The following MSN variants were observed in gnomAD, a reference collection of about 807,000 sequenced individuals.
MSN encodes the protein moesin.
Under a neutral mutation model 48.0 loss-of-function variants are expected in MSN, and 2 were observed. The ratio of observed to expected loss-of-function variants is 0.04; its 90% CI spans 0.02 to 0.13. The LOEUF (loss-of-function observed/expected upper bound fraction) is 0.13, where lower values mean the gene tolerates loss of function less well. Ranked by LOEUF, MSN falls within the 10% of genes least tolerant of loss-of-function variation. The pLI is 1.00. For synonymous variants in MSN, 146 were observed against 166.9 expected (o/e 0.87, Z 0.97); for missense variants, 267 against 470.1 (o/e 0.57, Z 3.99).
At chrX:65,701,055 A>T (rs2071297805) in intron 1 of MSN, among the ~76,000 whole-genome samples, 1 of 111,871 alleles carries the variant, frequency 8.9e-6, no homozygotes, top group African/African-American at 3.3e-5. Context: ...CTTTTCCTCA[A>T]GTTCCAAGAG....
intron 1 of MSN, among the ~76,000 whole-genome samples, chrX:65,638,778 T>C (rs1256527436): frequency 8.9e-6 from 1 of 112,233 alleles, no homozygotes; most frequent in Non-Finnish European, 1.9e-5. Context: ...GATCTCAAAC[T>C]CCTGACCTCA....
At chrX:65,709,872 C>T (rs1273985765) in intron 1 of MSN, among the ~76,000 whole-genome samples, 3 of 111,798 alleles carry the variant, frequency 2.7e-5, no homozygotes, top group Non-Finnish European at 5.6e-5. Context: ...TGTTTTCTTC[C>T]AAAAAGCCTG....
intron 2 of MSN, among the ~76,000 whole-genome samples, chrX:65,725,467 C>G (rs2071559675): frequency 9.1e-6 from 1 of 110,194 alleles, no homozygotes; most frequent in African/African-American, 3.3e-5. Flanking sequence ...TGCCTTTTCC[C>G]ACCAATTGCA....
At chrX:65,616,031 T>C in intron 1 of MSN, among the ~76,000 whole-genome samples, 1 of 111,283 alleles carries the variant, frequency 9.0e-6, no homozygotes, top group East Asian at 2.8e-4. Context: ...TGCGGCGTTA[T>C]TTCTGAGGGC....
At chrX:65,633,222 A>G (rs761051003) in intron 1 of MSN, among the ~76,000 whole-genome samples, 1 of 111,327 alleles carries the variant, frequency 9.0e-6, no homozygotes, top group African/African-American at 3.3e-5. Context: ...CAGAATCCCC[A>G]AGGGTGATAT....
intron 1 of MSN, among the ~76,000 whole-genome samples, chrX:65,605,709 C>A (rs2070273060): frequency 9.0e-6 from 1 of 111,095 alleles, no homozygotes; most frequent in African/African-American, 3.3e-5. Flanking sequence ...CGTGATTCAG[C>A]CACTCTGATC....
chrX:65,632,624 G>C (rs2070567200), intron 1 of MSN, among the ~76,000 whole-genome samples: 1 of 111,834 alleles, frequency 8.9e-6, no homozygotes, highest in Non-Finnish European at 1.9e-5. Context: ...CGTTGGTGTT[G>C]TCGCTGTTTT....
chrX:65,726,514 G>A (rs1289989073), intron 2 of MSN, among the ~76,000 whole-genome samples: 2 of 111,439 alleles, frequency 1.8e-5, no homozygotes, highest in Non-Finnish European at 3.8e-5. Flanking sequence ...TGAAGCTCTA[G>A]ATTGTAAACT....
At chrX:65,604,288 G>T (rs1302971978) in intron 1 of MSN, among the ~76,000 whole-genome samples, 2 of 112,107 alleles carry the variant, frequency 1.8e-5, no homozygotes, top group African/African-American at 6.5e-5. Flanking sequence ...TGGTAGGGTT[G>T]TGGTGCACGT....
At chrX:65,729,748 T>C in intron 4 of MSN, 36 bp downstream of exon 4, 1 of 1,189,106 alleles carries the variant, frequency 8.4e-7, no homozygotes, top group Non-Finnish European at 1.1e-6. Flanking sequence ...GCCTTGGCCA[T>C]AAGGGGCTGC....
chrX:65,619,758 C>T (rs1210677655), intron 1 of MSN, among the ~76,000 whole-genome samples: 5 of 109,454 alleles, frequency 4.6e-5, no homozygotes, highest in Admixed American at 9.6e-5. Context: ...TGAGGAACTG[C>T]GTTCCTTTGG....
rs768453455 is a variant in MSN at position 65,716,853 on chromosome X, G to C, written c.48G>C (p.Leu16=). Residue 16 remains leucine (L), a synonymous_variant, in exon 2 of 13, where the codon CTG becomes CTC. Coordinates refer to ENST00000360270, the MANE Select transcript of MSN (RefSeq NM_002444.3). ...GTGTGACCACCATGGATGCAGAGCT[G>C]GAGTTTGCCATCCAGCCCAACACCA... The part of the protein sequence containing the change: ...SVRVTTMDAE[L]EFAIQPNTTG... 11 of 1,210,450 alleles carry C rather than the reference G, an allele frequency of 9.1e-6. No individual in the cohort carries two copies. The highest frequency in any genetic ancestry group is 1.2e-5 in the Non-Finnish European group (11 of 895,120).
chrX:65,675,140 T>C (rs1398950153), intron 1 of MSN, among the ~76,000 whole-genome samples: 1 of 112,151 alleles, frequency 8.9e-6, no homozygotes, highest in Non-Finnish European at 1.9e-5. Flanking sequence ...ATTCTTACCA[T>C]TTAATGAGTG....
chrX:65,687,289 A>G (rs1456893573), intron 1 of MSN, among the ~76,000 whole-genome samples: 1 of 111,763 alleles, frequency 8.9e-6, no homozygotes, highest in Non-Finnish European at 1.9e-5. Context: ...CAGAGGTTGC[A>G]GTGAGCTGAG....
At chrX:65,602,486 GCTCTCCAGCTCCA>G (rs111700081) in intron 1 of MSN, among the ~76,000 whole-genome samples, 12,569 of 108,434 alleles carry the variant, frequency 0.12, 2,167 homozygotes, top group African/African-American at 0.41. Context: ...ATGGAGGAAT[GCTCTCCAGCTCCA>G]CTCTCCAGCT....
intron 1 of MSN, among the ~76,000 whole-genome samples, chrX:65,638,875 C>A (rs1186683476): frequency 8.9e-6 from 1 of 111,891 alleles, no homozygotes; most frequent in African/African-American, 3.2e-5. Context: ...GATATGAATC[C>A]ACCTTTGCCA....
chrX:65,729,417 C>T, intron 3 of MSN, 21 bp from the exon 4 acceptor site: 1 of 1,204,395 alleles, frequency 8.3e-7, no homozygotes, highest in Non-Finnish European at 1.1e-6. Flanking sequence ...TTTGAGAGTC[C>T]ATAACCCTTA....
At chrX:65,711,057 G>A (rs2071409750) in intron 1 of MSN, among the ~76,000 whole-genome samples, 1 of 100,997 alleles carries the variant, frequency 9.9e-6, no homozygotes, top group African/African-American at 3.9e-5. Context: ...GCTAATTTTT[G>A]TATTATTATT....
intron 7 of MSN, 54 bp downstream of exon 7, chrX:65,733,334 G>A: frequency 1.1e-6 from 1 of 924,784 alleles, no homozygotes; most frequent in East Asian, 3.1e-5. Flanking sequence ...CCTGCATAAT[G>A]AGCAATCATG....
Sources: gnomAD v4.1 joint callset for allele counts (sites outside exome capture counted in the v4.1 genomes callset) on GRCh38, gnomAD v4.1.1 for gene constraint, MANE v1.5 for transcripts, NCBI Gene and HGNC (gene_info 2026-07-23, HGNC 2026-07-21) for gene names.